Variants in USP45 observed in about 807,000 individuals in gnomAD.
USP45 encodes the protein ubiquitin carboxyl-terminal hydrolase 45.
Under a neutral mutation model 95.8 loss-of-function variants are expected in USP45, and 89 were observed. The ratio of observed to expected loss-of-function variants is 0.93; its 90% CI spans 0.78 to 1.11. The LOEUF (loss-of-function observed/expected upper bound fraction) is 1.11. Among genes scored for constraint, USP45 ranks in the 50% least tolerant of loss-of-function variants. The probability of loss-of-function intolerance (pLI) is 0.00; values close to 1 mark genes in which losing one functional copy is unlikely to be tolerated. For missense variants in USP45, 898 were observed against 942.5 expected (o/e 0.95, Z 0.62); for synonymous variants, 281 against 316.2 (o/e 0.89, Z 1.18).
chr6:99,482,773 A>T lies in USP45; in HGVS notation c.825T>A (p.Leu275=). The part of the protein sequence containing the change: ...TEKGPLSPKV[L]FNQLCQKAPR... ...CCCACTTCTGACAAAGCTGATTAAA[A>T]AGAACTTTAGGAGAAAGTGGTCCTT... Residue 275 remains leucine (L), a synonymous_variant, in exon 8 of 18, where the codon CTT becomes CTA. Coordinates refer to ENST00000500704, the MANE Select transcript of USP45 (RefSeq NM_001346022.3). The T allele has an allele frequency of 6.2e-7, 1 of 1,603,674 alleles. No individual in the cohort carries two copies. The highest frequency in any genetic ancestry group is 1.3e-5 in the African/African-American group (1 of 74,712).
At chr6:99,437,850 G>A (rs2128524093) in intron 16 of USP45, among the ~76,000 whole-genome samples, 1 of 152,232 alleles carries the variant, frequency 6.6e-6, no homozygotes, top group African/African-American at 2.4e-5. Context: ...TAGAAACAGG[G>A]TTTTACCTTG....
At chr6:99,493,329 C>G (rs1309624130) in intron 5 of USP45, among the ~76,000 whole-genome samples, 2 of 151,916 alleles carry the variant, frequency 1.3e-5, no homozygotes, top group Non-Finnish European at 2.9e-5. Context: ...CTCGGCCAAG[C>G]CTTAAATTTA....
intron 5 of USP45, chr6:99,502,020 G>T (rs1797485331): frequency 7.7e-7 from 1 of 1,295,346 alleles, no homozygotes; most frequent in Non-Finnish European, 1.0e-6. Context: ...CTGCCAGAAA[G>T]ACCAACCATG....
intron 5 of USP45, among the ~76,000 whole-genome samples, chr6:99,494,529 A>C (rs1041732231): frequency 2.6e-5 from 4 of 152,222 alleles, no homozygotes; most frequent in African/African-American, 9.6e-5. Context: ...AAAAAACTTA[A>C]GATATTACCT....
rs71021740 is a variant in USP45 at position 99,478,220 on chromosome 6, G to GTT, written c.846-1992_846-1991dup. 4.4e-3 allele frequency among the ~76,000 whole-genome samples: 442 copies of GTT among 99,412 alleles called. 4 individuals are homozygous for GTT. The highest frequency in any genetic ancestry group is 7.4e-3 in the Middle Eastern group (1 of 136). The allele number at this position is 99,412 out of a possible 152,430, so 65.2% of individuals were successfully genotyped here. ...AAGAAAATTTAATAAACTTAGATTT[G>GTT]TTTTTTTTTTTTTTTTTTTTTTTTA... is the stretch of plus-strand genomic sequence containing the variant. On this transcript the variant is annotated intron_variant, in intron 8 of 17. Transcript: ENST00000500704.
intron 13 of USP45, among the ~76,000 whole-genome samples, chr6:99,448,127 A>G (rs1330227011): frequency 2.6e-5 from 4 of 152,258 alleles, no homozygotes; most frequent in Non-Finnish European, 5.9e-5. Context: ...TCTAAAAATC[A>G]GAGCGCCTCT....
At chr6:99,458,090 G>A (rs553631388) in intron 13 of USP45, among the ~76,000 whole-genome samples, 10 of 152,116 alleles carry the variant, frequency 6.6e-5, no homozygotes, top group Admixed American at 3.3e-4. Context: ...GCGCAATCTC[G>A]GCTCACTGCA....
intron 13 of USP45, chr6:99,462,370 G>C (rs1198314984): frequency 4.1e-6 from 4 of 983,928 alleles, no homozygotes; most frequent in Non-Finnish European, 3.6e-6. Context: ...TTTGGATAGC[G>C]GATGTATTAA....
rs1259374092 is a variant in USP45, at chr6:99,488,784, T to G, written c.515A>C (p.Lys172Thr). ...CTTCTGTATTTCATCTGTTTCACAT[T>G]TTTCTTCACAAAGTTTCATGATTCT... Reference protein sequence around the residue: ...FSRIMKLCEEKCETDEIQKGG... With the variant: ...FSRIMKLCEETCETDEIQKGG... The change falls in exon 6 of 18, where the codon AAA becomes ACA. Residue 172 changes from lysine (K) to threonine (T), a missense_variant. Transcript: ENST00000500704. 6.3e-7 allele frequency: 1 copy of G among 1,598,746 alleles called. No homozygotes were observed. Among genetic ancestry groups the G allele is most frequent in the Non-Finnish European group, 8.5e-7 (1 of 1,174,322 alleles).
intron 8 of USP45, 37 bp downstream of exon 8, chr6:99,482,716 A>G: frequency 6.5e-7 from 1 of 1,550,218 alleles, no homozygotes; most frequent in Non-Finnish European, 8.7e-7. Flanking sequence ...GTATTTTGTA[A>G]CTCATAATTA....
intron 4 of USP45, among the ~76,000 whole-genome samples, chr6:99,506,534 G>A (rs1798566925): frequency 6.6e-6 from 1 of 152,042 alleles, no homozygotes; most frequent in Non-Finnish European, 1.5e-5. Context: ...GTCTCAAACT[G>A]CTGACCTCAA....
At chr6:99,451,650 T>C (rs1009657290) in intron 13 of USP45, among the ~76,000 whole-genome samples, 4 of 152,212 alleles carry the variant, frequency 2.6e-5, no homozygotes, top group African/African-American at 7.2e-5. Flanking sequence ...AAGCTACCAA[T>C]GACTTTCTTC....
chr6:99,442,585 G>T (rs1781721725), intron 15 of USP45, among the ~76,000 whole-genome samples: 1 of 152,160 alleles, frequency 6.6e-6, no homozygotes, highest in Non-Finnish European at 1.5e-5. Context: ...AGTGGCTCAC[G>T]CCTAAAATCC....
At chr6:99,481,148 C>A (rs1792299967) in intron 8 of USP45, among the ~76,000 whole-genome samples, 1 of 152,086 alleles carries the variant, frequency 6.6e-6, no homozygotes, top group South Asian at 2.1e-4. Flanking sequence ...TCTAGTTATT[C>A]TAAGAATTTA....
intron 17 of USP45, 117 bp downstream of exon 17, chr6:99,437,129 A>T: frequency 1.8e-6 from 2 of 1,129,288 alleles, no homozygotes; most frequent in African/African-American, 1.6e-5. Context: ...TTAAGTTAAA[A>T]TAAAGCAAGC....
Position 99,432,649 on chromosome 6 carries a change from A to G in USP45, c.*3067T>C, listed in dbSNP as rs912308981. On this transcript the variant is annotated 3_prime_UTR_variant, in exon 18 of 18. Coordinates refer to ENST00000500704, the MANE Select transcript of USP45 (RefSeq NM_001346022.3). ...GTAAACAAAAACATCATAAATATCT[A>G]GAAATAATCTTTTTTAACAATGCAC... is the stretch of plus-strand genomic sequence containing the variant. 6.6e-6 allele frequency: 1 copy of G among 152,352 alleles called. No homozygotes were observed. 9.4% of individuals were successfully genotyped at this position (152,352 alleles called of 1,614,324 possible).
chr6:99,446,867 C>G (rs1782657412), intron 13 of USP45, among the ~76,000 whole-genome samples: 1 of 152,132 alleles, frequency 6.6e-6, no homozygotes, highest in Non-Finnish European at 1.5e-5. Flanking sequence ...CCTCAGCCTC[C>G]CATGTAGTTA....
At chr6:99,496,144 T>G (rs1391864291) in intron 5 of USP45, among the ~76,000 whole-genome samples, 1 of 152,046 alleles carries the variant, frequency 6.6e-6, no homozygotes, top group East Asian at 1.9e-4. Context: ...TATTACCTCT[T>G]AAAAAAACAG....
In USP45 at chr6:99,508,714, T is replaced by A. The variant is rs570475037; in HGVS notation, c.169A>T (p.Asn57Tyr). The change falls in exon 3 of 18, where the codon AAT becomes TAT. Residue 57 changes from asparagine (N) to tyrosine (Y), a missense_variant. Asn to Tyr is a moderately radical substitution (Grantham distance 143). Coordinates refer to ENST00000500704, the MANE Select transcript of USP45 (RefSeq NM_001346022.3). The part of the protein sequence containing the change: ...VNHVKRAIAE[N>Y]LWSVCSECLK... ...CATTCTGAGCAAACTGACCACAGAT[T>A]CTCAGCTATTGCTCTCTTTACATGA... The A allele has an allele frequency of 1.4e-5, 22 of 1,613,792 alleles. No homozygotes were observed. The South Asian group carries it at 2.3e-4, about 17-fold the overall frequency.
Sources: allele counts gnomAD v4.1 joint callset (sites outside exome capture counted in the v4.1 genomes callset), GRCh38; gene constraint gnomAD v4.1.1; transcripts MANE v1.5; gene names NCBI Gene and HGNC (gene_info 2026-07-23, HGNC 2026-07-21).